CTTNBP2: variants seen among roughly 807,000 people sequenced by gnomAD.
CTTNBP2 encodes cortactin binding protein 2.
Under a neutral mutation model 156.9 loss-of-function variants are expected in CTTNBP2, and 108 were observed. That is an observed-to-expected ratio of 0.69 (90% confidence interval 0.59 to 0.81). The LOEUF (loss-of-function observed/expected upper bound fraction) is 0.81. Ranked by LOEUF, CTTNBP2 falls within the 30% of genes least tolerant of loss-of-function variation. The probability of loss-of-function intolerance (pLI) is 0.00; values close to 1 mark genes in which losing one functional copy is unlikely to be tolerated. For missense variants in CTTNBP2, 1,924 were observed against 2,035.4 expected, an observed-to-expected ratio of 0.95 and a Z score of 1.05; for synonymous variants, 767 against 751.8, an observed-to-expected ratio of 1.02 and a Z score of -0.33.
chr7:117,715,584 ATTAACATTTG>A (rs1476022677), intron 22 of CTTNBP2, among the ~76,000 whole-genome samples: 2 of 151,902 alleles, frequency 1.3e-5, no homozygotes, highest in African/African-American at 4.8e-5. Flanking sequence ...GAAAACATTT[ATTAACATTTG>A]TTCTTCCTGT....
chr7:117,736,570 T>C (rs1289459274), intron 14 of CTTNBP2, among the ~76,000 whole-genome samples: 2 of 152,214 alleles, frequency 1.3e-5, no homozygotes, highest in Non-Finnish European at 2.9e-5. Context: ...AATCCAGCAC[T>C]TCCGACTCAT....
chr7:117,870,509 T>C (rs1224908405), intron 1 of CTTNBP2, among the ~76,000 whole-genome samples: 1 of 152,252 alleles, frequency 6.6e-6, no homozygotes, highest in Non-Finnish European at 1.5e-5. Flanking sequence ...TCTTTGTCAC[T>C]GCCACCATGA....
At chr7:117,843,222 A>C (rs979454859) in intron 2 of CTTNBP2, among the ~76,000 whole-genome samples, 1 of 152,212 alleles carries the variant, frequency 6.6e-6, no homozygotes, top group African/African-American at 2.4e-5. Flanking sequence ...ATACTACACC[A>C]TTTTATATCA....
chr7:117,758,819 G>A (rs919433293), intron 10 of CTTNBP2, among the ~76,000 whole-genome samples: 1 of 152,214 alleles, frequency 6.6e-6, no homozygotes, highest in Non-Finnish European at 1.5e-5. Flanking sequence ...CTACTAGGGT[G>A]CTCTATACCT....
chr7:117,734,571 G>C (rs1795577080), intron 16 of CTTNBP2, among the ~76,000 whole-genome samples: 1 of 152,172 alleles, frequency 6.6e-6, no homozygotes, highest in Admixed American at 6.5e-5. Context: ...TGTAAAATGT[G>C]CTCACAAGGG....
chr7:117,814,548 T>C (rs1373784476), intron 2 of CTTNBP2, among the ~76,000 whole-genome samples: 1 of 152,110 alleles, frequency 6.6e-6, no homozygotes, highest in African/African-American at 2.4e-5. Context: ...ACACCTCAGC[T>C]TCCCGAGTAG....
chr7:117,712,713 A>G (rs1794125495), intron 22 of CTTNBP2, among the ~76,000 whole-genome samples: 1 of 152,198 alleles, frequency 6.6e-6, no homozygotes, highest in Non-Finnish European at 1.5e-5. Flanking sequence ...TCTCCTGGGT[A>G]TCGTCTTATA....
intron 12 of CTTNBP2, among the ~76,000 whole-genome samples, chr7:117,749,548 CCCA>C (rs1212434126): frequency 6.6e-6 from 1 of 152,128 alleles, no homozygotes; most frequent in African/African-American, 2.4e-5. Flanking sequence ...CTCACTAATC[CCCA>C]CCAACTTTTT....
chr7:117,760,121 G>C lies in CTTNBP2; in HGVS notation c.3172+314C>G, dbSNP rs1276222722. 3 of 350,840 alleles carry C rather than the reference G, an allele frequency of 8.6e-6. No homozygotes were observed. In the East Asian group the frequency reaches 1.6e-4, roughly 19 times the overall value. 21.7% of individuals were successfully genotyped at this position (350,840 alleles called of 1,614,324 possible). On this transcript the variant is annotated intron_variant, in intron 10 of 22. Transcript: ENST00000160373. Reference sequence around the variant, plus strand: ...ATTTTGAGCTGTGTTCAGTACTTGCGCAAAAGCAAGCAGCTGTGGGGTGTT... The same window carrying C: ...ATTTTGAGCTGTGTTCAGTACTTGCCCAAAAGCAAGCAGCTGTGGGGTGTT...
intron 4 of CTTNBP2, among the ~76,000 whole-genome samples, chr7:117,789,755 G>C (rs1051135295): frequency 1.3e-5 from 2 of 152,080 alleles, no homozygotes; most frequent in African/African-American, 4.8e-5. Flanking sequence ...CAAGCTGACA[G>C]GTTATAGGAT....
chr7:117,850,884 A>G (rs1802893163), intron 2 of CTTNBP2, among the ~76,000 whole-genome samples: 2 of 152,224 alleles, frequency 1.3e-5, no homozygotes, highest in South Asian at 4.1e-4. Flanking sequence ...CTCTCTTCCC[A>G]GTGCAACACC....
At chr7:117,814,899 AAGC>A (rs1338553444) in intron 2 of CTTNBP2, among the ~76,000 whole-genome samples, 22 of 152,250 alleles carry the variant, frequency 1.4e-4, no homozygotes, top group African/African-American at 4.8e-4. Flanking sequence ...GAGAGAAATG[AAGC>A]AGTATTATTT....
chr7:117,852,857 T>C (rs1207359991), intron 2 of CTTNBP2, among the ~76,000 whole-genome samples: 1 of 152,126 alleles, frequency 6.6e-6, no homozygotes, highest in Non-Finnish European at 1.5e-5. Flanking sequence ...AATGACAACT[T>C]TCAGCTCTAG....
At chr7:117,738,594 A>T (rs1276104407) in intron 14 of CTTNBP2, among the ~76,000 whole-genome samples, 1 of 152,234 alleles carries the variant, frequency 6.6e-6, no homozygotes, top group Non-Finnish European at 1.5e-5. Context: ...GAAATACTGG[A>T]GACAACTCTA....
At chr7:117,755,636 A>G (rs577840755) in intron 12 of CTTNBP2, 73 of 454,440 alleles carry the variant, frequency 1.6e-4, no homozygotes, top group African/African-American at 1.3e-3. Context: ...ATAAGTCATA[A>G]CAGCACTTGG....
intron 16 of CTTNBP2, among the ~76,000 whole-genome samples, chr7:117,729,201 C>G (rs1463766367): frequency 6.6e-6 from 1 of 152,238 alleles, no homozygotes; most frequent in Non-Finnish European, 1.5e-5. Flanking sequence ...TTTCACAGTA[C>G]CCAAAGGCAG....
At chr7:117,738,222 A>C (rs1363654790) in intron 14 of CTTNBP2, among the ~76,000 whole-genome samples, 1 of 152,192 alleles carries the variant, frequency 6.6e-6, no homozygotes, top group Non-Finnish European at 1.5e-5. Context: ...AAAGCTCCCT[A>C]GTGATTGGAA....
rs765588870 is a variant in CTTNBP2 at position 117,777,604 on chromosome 7, G to A, written c.2685C>T (p.Gly895=). Residue 895 remains glycine (G), a synonymous_variant, in exon 8 of 23, where the codon GGC becomes GGT. Coordinates refer to ENST00000160373, the MANE Select transcript of CTTNBP2 (RefSeq NM_033427.3). ...DLDGGEESPE[G]ISKPVVPADL... ...CTGCAGGAACAACAGGCTTGGATAT[G>A]CCTTCAGGACTCTCTTCTCCTCCAT... is the stretch of plus-strand genomic sequence containing the variant. The A allele has an allele frequency of 6.2e-6, 10 of 1,613,790 alleles. No individual in the cohort carries two copies. The highest frequency in any genetic ancestry group is 7.6e-6 in the Non-Finnish European group (9 of 1,179,892).
chr7:117,722,858 C>A (rs1794880613), intron 19 of CTTNBP2, among the ~76,000 whole-genome samples: 1 of 152,188 alleles, frequency 6.6e-6, no homozygotes, highest in Non-Finnish European at 1.5e-5. Context: ...TTGCAAGAAA[C>A]AATTACAGAA....
Sources: allele counts gnomAD v4.1 joint callset (sites outside exome capture counted in the v4.1 genomes callset), GRCh38; gene constraint gnomAD v4.1.1; transcripts MANE v1.5; gene names NCBI Gene and HGNC (gene_info 2026-07-23, HGNC 2026-07-21).